MEFV: variants seen among roughly 807,000 people sequenced by gnomAD.
MEFV encodes MEFV innate immunity regulator, pyrin, also known as pyrin.
In MEFV, 60 loss-of-function variants were observed where a neutral mutation model predicts 62.5. That is an observed-to-expected ratio of 0.96 (90% CI 0.78 to 1.19). The LOEUF (loss-of-function observed/expected upper bound fraction) is 1.19, where lower values mean the gene tolerates loss of function less well. MEFV is among the 50% of genes most tolerant of loss of function. MEFV has a pLI of 0.00. For synonymous variants in MEFV, 500 were observed against 415.2 expected, an observed-to-expected ratio of 1.20 and a Z score of -2.48; for missense variants, 1,169 against 1,004.5, an observed-to-expected ratio of 1.16 and a Z score of -2.21.
chr16:3,246,943 T>C (rs1384865578), intron 5 of MEFV, 73 bp downstream of exon 5: 2 of 1,408,106 alleles, frequency 1.4e-6, no homozygotes, highest in African/African-American at 1.4e-5. Flanking sequence ...GCACGGCTGA[T>C]GGCAGAGCTG....
chr16:3,246,324 C>T, intron 6 of MEFV: 4 of 620,742 alleles, frequency 6.4e-6, no homozygotes, highest in Non-Finnish European at 5.7e-6. Flanking sequence ...CAGCTCCATA[C>T]CCGGCCAGCC....
Position 3,243,416 on chromosome 16 carries a change from C to T in MEFV, c.2071G>A (p.Val691Met). The T allele has an allele frequency of 6.2e-7, 1 of 1,614,174 alleles. No homozygotes were observed. The change falls in exon 10 of 10, where the codon GTG becomes ATG. Residue 691 changes from valine (V) to methionine (M), a missense_variant. Val to Met is a conservative substitution (Grantham distance 21, BLOSUM62 1). Transcript: ENST00000219596. ...TACTCATTTTCCTTCATCATTATCA[C>T]CACCCAGTAGCCATTCTCTGGCGAC... ...TLSPENGYWV[V>M]IMMKENEYQA... is the part of the protein sequence containing the mutation.
Position 3,256,455 on chromosome 16 carries a change from T to G in MEFV, c.133A>C (p.Ile45Leu). The stretch of plus-strand genomic sequence containing the variant: ...ATCTTCACCGGCCTGGCTCTCTGGA[T>G]CTGGCTCCGGGGGATCCTGGAGTGC... ...KEHSRIPRSQ[I>L]QRARPVKMAT... Residue 45 changes from isoleucine to leucine, a missense_variant, in exon 1 of 10, where the codon ATC becomes CTC. Transcript: ENST00000219596. 1.9e-6 allele frequency: 3 copies of G among 1,614,232 alleles called. No homozygotes were observed. Among genetic ancestry groups the G allele is most frequent in the South Asian group, 2.2e-5 (2 of 91,084 alleles).
chr16:3,250,372 G>A (rs1478206136), intron 2 of MEFV, among the ~76,000 whole-genome samples: 4 of 152,192 alleles, frequency 2.6e-5, no homozygotes, highest in African/African-American at 7.2e-5. Context: ...GCTTTGGGAG[G>A]CCAAGGTGGG....
chr16:3,244,077 C>T, intron 8 of MEFV, 177 bp downstream of exon 8: 1 of 1,551,488 alleles, frequency 6.4e-7, no homozygotes, highest in Non-Finnish European at 8.7e-7. Flanking sequence ...TCTAATGAGT[C>T]AACTCAGTCA....
Position 3,243,308 on chromosome 16 carries a change from C to T in MEFV, c.2179G>A (p.Gly727Arg). The T allele has an allele frequency of 6.2e-7, 1 of 1,614,162 alleles. No homozygotes were observed. Among genetic ancestry groups the T allele is most frequent in the Non-Finnish European group, 8.5e-7 (1 of 1,180,020 alleles). Residue 727 changes from glycine (G) to arginine (R), a missense_variant, in exon 10 of 10, where the codon GGA becomes AGA. Coordinates refer to ENST00000219596, the MANE Select transcript of MEFV (RefSeq NM_000243.3). ...GTCACATTGTAAAAGGAGATGCTTCCAACTCTGTAGTCCACGAAGATGCCC... is the reference window on the plus strand; with the variant it reads ...GTCACATTGTAAAAGGAGATGCTTCTAACTCTGTAGTCCACGAAGATGCCC... Reference protein sequence around the residue: ...RVGIFVDYRVGSISFYNVTAR... With the variant: ...RVGIFVDYRVRSISFYNVTAR...
intron 6 of MEFV, 124 bp downstream of exon 6, chr16:3,246,401 G>C: frequency 1.8e-6 from 2 of 1,084,058 alleles, no homozygotes; most frequent in African/African-American, 3.2e-5. Context: ...GCAGAAAAAA[G>C]GAGGAGTCTG....
At position 3,249,468 on chromosome 16, in the gene MEFV, C is replaced by A. The variant is rs11466024; in HGVS notation, c.1223G>T (p.Arg408Leu). 58 of 1,613,940 alleles carry A rather than the reference C, an allele frequency of 3.6e-5. No individual in the cohort carries two copies. The highest frequency in any genetic ancestry group is 4.7e-5 in the Non-Finnish European group (55 of 1,180,034). The change falls in exon 3 of 10, where the codon CGG becomes CTG. Residue 408 changes from arginine (R) to leucine (L), a missense_variant. By Grantham distance (102) the Arg-to-Leu change is moderately radical. Transcript: ENST00000219596. ...GGCGACCTCCTCAATGGGGCGCACC[C>A]GGTGGCCTTGGTGCTCCTGACTCAG... ...CSLSQEHQGH[R>L]VRPIEEVALE...
intron 4 of MEFV, 136 bp from the exon 5 acceptor site, chr16:3,247,382 G>A (rs368275035): frequency 2.9e-5 from 20 of 684,398 alleles, no homozygotes; most frequent in East Asian, 1.1e-4. Flanking sequence ...CTAGATTCCA[G>A]AGCAGGAGGC....
At chr16:3,249,329 C>G in intron 3 of MEFV, 102 bp downstream of exon 3, 1 of 1,072,282 alleles carries the variant, frequency 9.3e-7, no homozygotes. Context: ...CCCAAGAATG[C>G]TGGTTAATGC....
chr16:3,248,595 AAG>A, intron 4 of MEFV: 1 of 542,070 alleles, frequency 1.8e-6, no homozygotes, highest in South Asian at 2.2e-5. Flanking sequence ...GTCACAAAAA[AAG>A]AAAGTGGCGT....
rs766171186 is a variant in MEFV at position 3,244,507 on chromosome 16, TG to T, written c.1691del (p.Ser564Ter). 1.9e-6 allele frequency: 3 copies of T among 1,614,184 alleles called. No individual in the cohort carries two copies. The East Asian group carries it at 6.7e-5, about 36-fold the overall frequency. On this transcript the variant is annotated frameshift_variant, in exon 7 of 10. Transcript: ENST00000219596. LOFTEE classifies it high-confidence loss of function. ...ACTTTGTGCTCTTCTCCACAAACTC[TG>T]ACTTCTGGTGGAGGAGTTGGATCTT... is the stretch of plus-strand genomic sequence containing the variant. ...KQKIQLLHQKSEFVEKSTKYF... is the reference protein window; with the variant it reads ...KQKIQLLHQKXEFVEKSTKYF...
rs981883034 is a variant in MEFV, at chr16:3,254,726, C to T, written c.342G>A (p.Lys114=). Residue 114 remains lysine (K), a synonymous_variant, in exon 2 of 10, where the codon AAG becomes AAA. Transcript: ENST00000219596. ...GGTCTGGAGTCTTCAGGCTCCTGGGCTTGTTCTCCCCCAGGGAGCTGGACG... is the reference window on the plus strand; with the variant it reads ...GGTCTGGAGTCTTCAGGCTCCTGGGTTTGTTCTCCCCCAGGGAGCTGGACG... The part of the protein sequence containing the change: ...SAASSSLGEN[K]PRSLKTPDHP... The T allele has an allele frequency of 1.9e-6, 3 of 1,612,890 alleles. No individual in the cohort carries two copies. The highest frequency in any genetic ancestry group is 1.7e-6 in the Non-Finnish European group (2 of 1,180,018).
In MEFV at chr16:3,243,114, C is replaced by T; in HGVS notation, c.*27G>A. On this transcript the variant is annotated 3_prime_UTR_variant, in exon 10 of 10. Transcript: ENST00000219596. ...TGAATGCAAGATACAAGGCCAGAAG[C>T]AGGAAGAGAGATGCAGTGTTGGGCA... 3.1e-6 allele frequency: 5 copies of T among 1,610,338 alleles called. No individual in the cohort carries two copies. The highest frequency in any genetic ancestry group is 3.4e-6 in the Non-Finnish European group (4 of 1,178,106).
chr16:3,243,220 A>G lies in MEFV; in HGVS notation c.2267T>C (p.Phe756Ser), dbSNP rs1958883076. 1.1e-5 allele frequency: 17 copies of G among 1,614,166 alleles called. No homozygotes were observed. The highest frequency in any genetic ancestry group is 1.4e-5 in the Non-Finnish European group (17 of 1,180,044). The part of the protein sequence containing the change: ...CSFSGPLQPI[F>S]SPGTRDGGKN... Reference sequence around the variant, plus strand: ...CCCTCCATCACGTGTCCCAGGGCTGAAGATAGGTTGAAGGGGCCCAGAGAA... The same window carrying G: ...CCCTCCATCACGTGTCCCAGGGCTGGAGATAGGTTGAAGGGGCCCAGAGAA... Residue 756 changes from phenylalanine to serine, a missense_variant, in exon 10 of 10, where the codon TTC becomes TCC. Phe to Ser is a radical substitution (Grantham distance 155). Coordinates refer to ENST00000219596, the MANE Select transcript of MEFV (RefSeq NM_000243.3).
chr16:3,243,942 G>A (rs1958900515), intron 8 of MEFV, 50 bp from the exon 9 acceptor site: 1 of 1,609,992 alleles, frequency 6.2e-7, no homozygotes, highest in South Asian at 1.1e-5. Context: ...TTAGCATTAA[G>A]AGGGGCTAAA....
chr16:3,247,934 C>CAAAAAAAAAAAA (rs35216912), intron 4 of MEFV: 1 of 86,260 alleles, frequency 1.2e-5, no homozygotes, highest in East Asian at 3.3e-4. Flanking sequence ...GATTCCATCT[C>CAAAAAAAAAAAA]AAAAAAAAAA....
intron 6 of MEFV, among the ~76,000 whole-genome samples, chr16:3,245,139 G>C (rs957160015): frequency 2.0e-5 from 3 of 151,964 alleles, no homozygotes; most frequent in Non-Finnish European, 4.4e-5. Context: ...ATACAAAAAA[G>C]TAGCCGGAAG....
chr16:3,242,836 G>A lies in MEFV; in HGVS notation c.*305C>T. On this transcript the variant is annotated 3_prime_UTR_variant, in exon 10 of 10. Transcript: ENST00000219596. ...CCGTGGGGTTCTGAGGGAAAATGAG[G>A]GCCAAATCTTCTGTTCAGGAGCACC... 2.3e-6 allele frequency: 1 copy of A among 444,220 alleles called. No individual in the cohort carries two copies. Among genetic ancestry groups the A allele is most frequent in the South Asian group, 2.1e-5 (1 of 47,582 alleles). The allele number at this position is 444,220 out of a possible 1,614,324, so 27.5% of individuals were successfully genotyped here.
Sources: gnomAD v4.1 joint callset for allele counts (sites outside exome capture counted in the v4.1 genomes callset) on GRCh38, gnomAD v4.1.1 for gene constraint, MANE v1.5 for transcripts, NCBI Gene and HGNC (gene_info 2026-07-23, HGNC 2026-07-21) for gene names.